MERTK: variants seen among roughly 807,000 people sequenced by gnomAD.
MERTK encodes the protein MER proto-oncogene, tyrosine kinase, also known as tyrosine-protein kinase Mer.
Under a neutral mutation model 99.3 loss-of-function variants are expected in MERTK, and 69 were observed. The ratio of observed to expected loss-of-function variants is 0.70; its 90% CI spans 0.57 to 0.85. The LOEUF is 0.85. MERTK is among the 40% of genes least tolerant of loss of function. MERTK has a pLI of 0.00. For synonymous variants in MERTK, 426 were observed against 467.6 expected (o/e 0.91, Z 1.15); for missense variants, 1,125 against 1,249.4 (o/e 0.90, Z 1.50).
intron 6 of MERTK, 147 bp from the exon 7 acceptor site, chr2:111,975,142 G>A (rs1370786315): frequency 1.4e-5 from 11 of 785,400 alleles, no homozygotes; most frequent in South Asian, 4.2e-5. Flanking sequence ...TGATGCTAGC[G>A]GTAAAATGTG....
intron 1 of MERTK, among the ~76,000 whole-genome samples, chr2:111,924,781 G>T (rs547206458): frequency 2.0e-4 from 31 of 152,078 alleles, no homozygotes; most frequent in African/African-American, 7.2e-4. Flanking sequence ...AAACTGGTTG[G>T]GCTACTTCCT....
Position 112,029,402 on chromosome 2 carries a change from G to GATTC in MERTK, c.*538_*539insATTC. ...GAACTTACTTGAGACTTGAAAGACA[G>GATTC]TGGTCGGCAGCGGCCTTGTGGCCTT... On this transcript the variant is annotated 3_prime_UTR_variant, in exon 19 of 19. Coordinates refer to ENST00000295408, the MANE Select transcript of MERTK (RefSeq NM_006343.3). 1 of 904,746 alleles carries GATTC rather than the reference G, an allele frequency of 1.1e-6. No homozygotes were observed. The highest frequency in any genetic ancestry group is 1.3e-6 in the Non-Finnish European group (1 of 756,388). The allele number at this position is 904,746 out of a possible 1,614,324, so 56.0% of individuals were successfully genotyped here.
chr2:112,026,162 C>T (rs1677456266), intron 18 of MERTK: 1 of 154,274 alleles, frequency 6.5e-6, no homozygotes, highest in South Asian at 2.0e-4. Context: ...TCTTGTTCTA[C>T]TACGATGAAA....
chr2:112,003,765 G>T, intron 12 of MERTK, 139 bp from the exon 13 acceptor site: 1 of 754,842 alleles, frequency 1.3e-6, no homozygotes. Context: ...GATGTGGGTG[G>T]CCTGGGCAGG....
rs925343934 is a variant in MERTK at position 111,949,350 on chromosome 2, C to A, written c.757+1783C>A. Among the ~76,000 whole-genome samples, 5 of 152,266 alleles carry A rather than the reference C, an allele frequency of 3.3e-5. No homozygotes were observed. The Middle Eastern group carries it at 0.014, about 414-fold the overall frequency. ...AAAAGGTACCTGCCTCCTAGTAGTA[C>A]TCAGTAAATATTTATGGCTAGGATG... On this transcript the variant is annotated intron_variant, in intron 4 of 18. Coordinates refer to ENST00000295408, the MANE Select transcript of MERTK (RefSeq NM_006343.3).
chr2:111,943,134 C>T (rs1311349772), intron 2 of MERTK, among the ~76,000 whole-genome samples: 1 of 152,220 alleles, frequency 6.6e-6, no homozygotes, highest in African/African-American at 2.4e-5. Context: ...CCCCCTCTAC[C>T]CTTGACAGCT....
chr2:111,933,308 C>T (rs1684707328), intron 2 of MERTK, among the ~76,000 whole-genome samples: 1 of 152,096 alleles, frequency 6.6e-6, no homozygotes, highest in Non-Finnish European at 1.5e-5. Context: ...TACTGTGGCT[C>T]CCAGGAACAG....
intron 3 of MERTK, 71 bp downstream of exon 3, chr2:111,945,131 T>C: frequency 8.3e-7 from 1 of 1,209,522 alleles, no homozygotes; most frequent in Non-Finnish European, 1.2e-6. Flanking sequence ...ATGTTTTGTG[T>C]ATAATACTCT....
At chr2:112,019,889 T>C (rs576072126) in intron 16 of MERTK, among the ~76,000 whole-genome samples, 1 of 152,342 alleles carries the variant, frequency 6.6e-6, no homozygotes, top group African/African-American at 2.4e-5. Flanking sequence ...TAAAGGCTTT[T>C]CCCTAAGTTT....
chr2:111,944,812 C>A, intron 2 of MERTK, 148 bp from the exon 3 acceptor site: 1 of 698,500 alleles, frequency 1.4e-6, no homozygotes, highest in Non-Finnish European at 2.5e-6. Flanking sequence ...TAGGGTTTGA[C>A]CAAACAACTG....
chr2:111,928,599 C>T (rs1336855979), intron 1 of MERTK, among the ~76,000 whole-genome samples: 2 of 152,180 alleles, frequency 1.3e-5, no homozygotes, highest in Non-Finnish European at 2.9e-5. Flanking sequence ...TGTTCTCCTG[C>T]TTCAACCTCC....
rs573908356 is a variant in MERTK at position 111,956,323 on chromosome 2, A to C, written c.757+8756A>C. Among the ~76,000 whole-genome samples the C allele has an allele frequency of 1.6e-4, 25 of 152,118 alleles. No homozygotes were observed. The East Asian group carries it at 4.6e-3, about 28-fold the overall frequency. On this transcript the variant is annotated intron_variant, in intron 4 of 18. Coordinates refer to ENST00000295408, the MANE Select transcript of MERTK (RefSeq NM_006343.3). Reference sequence around the variant, plus strand: ...CAGGATTGCCTATAGGAATGATTGAAATGCTACCTATTATATTTTTTGTGT... The same window carrying C: ...CAGGATTGCCTATAGGAATGATTGACATGCTACCTATTATATTTTTTGTGT...
intron 9 of MERTK, among the ~76,000 whole-genome samples, chr2:111,995,915 C>T (rs1676726044): frequency 6.6e-6 from 1 of 152,112 alleles, no homozygotes; most frequent in African/African-American, 2.4e-5. Context: ...CCATTGTACT[C>T]CTGGCTGGGT....
intron 6 of MERTK, among the ~76,000 whole-genome samples, chr2:111,968,972 G>A (rs1676019394): frequency 6.6e-6 from 1 of 152,194 alleles, no homozygotes; most frequent in African/African-American, 2.4e-5. Context: ...GGTCGTCTGT[G>A]CTACTGAGCG....
chr2:111,898,610 C>T lies in MERTK; in HGVS notation c.-126C>T. ...CCGCCGGCCGCTTGGCTCCGCCACT[C>T]GGCACTCACTGCCCGGGCCGCCCGG... On this transcript the variant is annotated 5_prime_UTR_variant, in exon 1 of 19. Transcript: ENST00000295408. The T allele has an allele frequency of 2.6e-6, 3 of 1,152,150 alleles. No individual in the cohort carries two copies. The highest frequency in any genetic ancestry group is 1.3e-5 in the South Asian group (1 of 74,098). 71.4% of individuals were successfully genotyped at this position (1,152,150 alleles called of 1,614,324 possible). A position where few individuals can be genotyped will look rare whatever the true frequency, so the allele number is the denominator to read the frequency against.
intron 8 of MERTK, among the ~76,000 whole-genome samples, chr2:111,984,250 G>T (rs1050724210): frequency 6.6e-6 from 1 of 152,040 alleles, no homozygotes; most frequent in Non-Finnish European, 1.5e-5. Context: ...ATTGAATGAG[G>T]CCCAGCCACA....
chr2:111,996,551 G>A (rs1319044849), intron 9 of MERTK: 1 of 154,816 alleles, frequency 6.5e-6, no homozygotes, highest in Non-Finnish European at 1.5e-5. Context: ...AATGCAAAGT[G>A]ATAGTGTTCA....
At chr2:111,972,783 T>C (rs1676150516) in intron 6 of MERTK, among the ~76,000 whole-genome samples, 1 of 152,226 alleles carries the variant, frequency 6.6e-6, no homozygotes, top group Admixed American at 6.5e-5. Context: ...ACTTGTTGTT[T>C]CTTTGAAATT....
At position 112,028,530 on chromosome 2, in the gene MERTK, C is replaced by T; in HGVS notation, c.2666C>T (p.Thr889Ile). 6.2e-7 allele frequency: 1 copy of T among 1,614,194 alleles called. No homozygotes were observed. The change falls in exon 19 of 19, where the codon ACC (threonine) becomes ATC (isoleucine). Residue 889 changes from threonine to isoleucine, a missense_variant. Coordinates refer to ENST00000295408, the MANE Select transcript of MERTK (RefSeq NM_006343.3). The part of the protein sequence containing the change: ...ESSEGLAQGS[T>I]LAPLDLNIDP... ...TCTGAGGGCCTGGCCCAGGGCTCCA[C>T]CCTTGCTCCACTGGACTTGAACATC...
Sources: gnomAD v4.1 joint callset for allele counts (sites outside exome capture counted in the v4.1 genomes callset) on GRCh38, gnomAD v4.1.1 for gene constraint, MANE v1.5 for transcripts, NCBI Gene and HGNC (gene_info 2026-07-23, HGNC 2026-07-21) for gene names.